The following SLC7A6OS variants were observed in gnomAD, a reference collection of about 807,000 sequenced individuals.
SLC7A6OS encodes the protein solute carrier family 7 member 6 opposite strand, also known as probable RNA polymerase II nuclear localization protein SLC7A6OS.
Under a neutral mutation model 34.3 loss-of-function variants are expected in SLC7A6OS, and 22 were observed. The ratio of observed to expected loss-of-function variants is 0.64; its 90% CI spans 0.46 to 0.92. The LOEUF (loss-of-function observed/expected upper bound fraction) is 0.92. Among genes scored for constraint, SLC7A6OS ranks in the 40% least tolerant of loss-of-function variants. The pLI, the probability that SLC7A6OS is intolerant of heterozygous loss-of-function variation, is 0.00. For missense variants in SLC7A6OS, 434 were observed against 407.7 expected, an observed-to-expected ratio of 1.06 and a Z score of -0.56; for synonymous variants, 199 against 165.0, an observed-to-expected ratio of 1.21 and a Z score of -1.58.
chr16:68,301,265 C>G lies in SLC7A6OS; in HGVS notation c.*10G>C, dbSNP rs1185506330. 1 of 1,613,874 alleles carries G rather than the reference C, an allele frequency of 6.2e-7. No individual in the cohort carries two copies. The highest frequency in any genetic ancestry group is 8.5e-7 in the Non-Finnish European group (1 of 1,179,822). On this transcript the variant is annotated 3_prime_UTR_variant, in exon 5 of 5. Coordinates refer to ENST00000263997, the MANE Select transcript of SLC7A6OS (RefSeq NM_032178.3). ...GCATGTGGCAGAACCTCATGGACAT[C>G]ACAAGACCATCAGTCTGAATCCAGG...
At position 68,310,534 on chromosome 16, in the gene SLC7A6OS, CGGAGA is replaced by C; in HGVS notation, c.267_271del (p.Asn89LysfsTer59). On this transcript the variant is annotated frameshift_variant, in exon 2 of 5. Transcript: ENST00000263997. LOFTEE classifies it high-confidence loss of function. ...CTGCCGGACCTCCCGAGCCGAGGCG[CGGAGA>C]TTACGGCGGACACGCTGCTGGCTGT... The C allele has an allele frequency of 6.3e-7, 1 of 1,582,616 alleles. No homozygotes were observed. The highest frequency in any genetic ancestry group is 8.6e-7 in the Non-Finnish European group (1 of 1,165,320).
chr16:68,310,216 G>T, intron 2 of SLC7A6OS, 119 bp downstream of exon 2: 1 of 1,137,350 alleles, frequency 8.8e-7, no homozygotes, highest in Non-Finnish European at 1.2e-6. Context: ...TGTAAAATGA[G>T]GCCGTCACGC....
intron 3 of SLC7A6OS, 108 bp from the exon 4 acceptor site, chr16:68,302,609 G>C: frequency 7.4e-7 from 1 of 1,344,310 alleles, no homozygotes; most frequent in Non-Finnish European, 1.0e-6. Context: ...AAAGTGCCCT[G>C]TGAAAAAACT....
Position 68,300,900 on chromosome 16 carries a change from C to T in SLC7A6OS, c.*375G>A, listed in dbSNP as rs538417133. The T allele has an allele frequency of 7.8e-5, 78 of 994,544 alleles. No individual in the cohort carries two copies. In the African/African-American group the frequency reaches 1.3e-3, roughly 16 times the overall value. The allele number at this position is 994,544 out of a possible 1,614,324, so 61.6% of individuals were successfully genotyped here. A position where few individuals can be genotyped will look rare whatever the true frequency, so the allele number is the denominator to read the frequency against. On this transcript the variant is annotated 3_prime_UTR_variant, in exon 5 of 5. Transcript: ENST00000263997. Reference sequence around the variant, plus strand: ...AGGCAGGCAGCCTGGTGGTATGGCACAGCAGAAGCTTACTGCTAATGAAAT... The same window carrying T: ...AGGCAGGCAGCCTGGTGGTATGGCATAGCAGAAGCTTACTGCTAATGAAAT...
At chr16:68,307,801 T>C (rs1019307563) in intron 2 of SLC7A6OS, among the ~76,000 whole-genome samples, 1 of 152,238 alleles carries the variant, frequency 6.6e-6, no homozygotes, top group African/African-American at 2.4e-5. Flanking sequence ...TGTGCAAACA[T>C]TTTTGGTATG....
In SLC7A6OS at chr16:68,309,537, G is replaced by A. The variant is rs566231964; in HGVS notation, c.471+798C>T. ...CAGCTACTGTGCCCAGCCTCAAGGA[G>A]AATTTTCCATTTCTGTAGTTTTGCT... On this transcript the variant is annotated intron_variant, in intron 2 of 4. Coordinates refer to ENST00000263997, the MANE Select transcript of SLC7A6OS (RefSeq NM_032178.3). Among the ~76,000 whole-genome samples the A allele has an allele frequency of 1.8e-3, 279 of 152,280 alleles. 1 individual carries two copies. Among genetic ancestry groups the A allele is most frequent in the Non-Finnish European group, 3.1e-3 (209 of 68,016 alleles).
rs2043261497 is a variant in SLC7A6OS, at chr16:68,300,992, G to GAAGCTA, written c.*277_*282dup. 2 of 1,059,514 alleles carry GAAGCTA rather than the reference G, an allele frequency of 1.9e-6. No individual in the cohort carries two copies. Among genetic ancestry groups the GAAGCTA allele is most frequent in the Admixed American group, 5.4e-5 (1 of 18,582 alleles). 65.6% of individuals were successfully genotyped at this position (1,059,514 alleles called of 1,614,324 possible). On this transcript the variant is annotated 3_prime_UTR_variant, in exon 5 of 5. Transcript: ENST00000263997. ...ATGCCAGGAAAAATTCCTGGGCCAAGAAGCTAAAGCTAAAGAAACCTTCCT... is the reference window on the plus strand; with the variant it reads ...ATGCCAGGAAAAATTCCTGGGCCAAGAAGCTAAAGCTAAAGCTAAAGAAACCTTCCT...
chr16:68,310,813 C>T lies in SLC7A6OS; in HGVS notation c.114G>A (p.Ala38=). The change falls in exon 1 of 5, where the codon GCG becomes GCA. Residue 38 remains alanine (A), a synonymous_variant. Transcript: ENST00000263997. ...KRLRSDAVES[A]AQKTSEGLER... is the part of the protein sequence containing the mutation. ...CCAAACCCTCCGACGTCTTCTGTGC[C>T]GCTGACTCGACCGCGTCGCTCCGGA... The T allele has an allele frequency of 6.2e-7, 1 of 1,613,826 alleles. No individual in the cohort carries two copies. The highest frequency in any genetic ancestry group is 8.5e-7 in the Non-Finnish European group (1 of 1,179,968).
Position 68,301,270 on chromosome 16 carries a change from G to A in SLC7A6OS, c.*5C>T. ...TGGCAGAACCTCATGGACATCACAA[G>A]ACCATCAGTCTGAATCCAGGTCGTG... is the stretch of plus-strand genomic sequence containing the variant. On this transcript the variant is annotated 3_prime_UTR_variant, in exon 5 of 5. Transcript: ENST00000263997. 1 of 1,613,826 alleles carries A rather than the reference G, an allele frequency of 6.2e-7. No individual in the cohort carries two copies.
At chr16:68,303,978 T>A in intron 3 of SLC7A6OS, 48 bp downstream of exon 3, 1 of 1,530,264 alleles carries the variant, frequency 6.5e-7, no homozygotes, top group Non-Finnish European at 9.0e-7. Context: ...CTGATTAGAT[T>A]AAGAGCTTAG....
intron 3 of SLC7A6OS, among the ~76,000 whole-genome samples, chr16:68,302,841 T>C (rs2043295306): frequency 6.6e-6 from 1 of 152,228 alleles, no homozygotes; most frequent in East Asian, 1.9e-4. Flanking sequence ...GGAAGGGCCA[T>C]GCAGTGGTCC....
chr16:68,302,616 A>C (rs2043292880), intron 3 of SLC7A6OS, 115 bp from the exon 4 acceptor site: 13 of 1,226,990 alleles, frequency 1.1e-5, no homozygotes, highest in Non-Finnish European at 1.5e-5. Context: ...CCTGTGAAAA[A>C]ACTGCAGACT....
chr16:68,299,408 G>T lies in SLC7A6OS; in HGVS notation c.*1867C>A, dbSNP rs573615088. On this transcript the variant is annotated 3_prime_UTR_variant, in exon 5 of 5. Coordinates refer to ENST00000263997, the MANE Select transcript of SLC7A6OS (RefSeq NM_032178.3). ...GTCATCCTCCTTTCATTTTTGGATG[G>T]TGACAGCATTTTTCCCCTCTGTGCT... 6.6e-6 allele frequency: 1 copy of T among 152,656 alleles called. No individual in the cohort carries two copies. Among genetic ancestry groups the T allele is most frequent in the South Asian group, 2.1e-4 (1 of 4,824 alleles). The allele number at this position is 152,656 out of a possible 1,614,324, so 9.5% of individuals were successfully genotyped here. A position where few individuals can be genotyped will look rare whatever the true frequency, so the allele number is the denominator to read the frequency against.
Position 68,301,146 on chromosome 16 carries a change from A to T in SLC7A6OS, c.*129T>A. 1.4e-6 allele frequency: 2 copies of T among 1,457,830 alleles called. No individual in the cohort carries two copies. Among genetic ancestry groups the T allele is most frequent in the Non-Finnish European group, 1.8e-6 (2 of 1,101,272 alleles). The allele number at this position is 1,457,830 out of a possible 1,614,324, so 90.3% of individuals were successfully genotyped here. A position where few individuals can be genotyped will look rare whatever the true frequency, so the allele number is the denominator to read the frequency against. On this transcript the variant is annotated 3_prime_UTR_variant, in exon 5 of 5. Coordinates refer to ENST00000263997, the MANE Select transcript of SLC7A6OS (RefSeq NM_032178.3). ...CACTGTGGTGGGATGGTGCCGCCCG[A>T]TATGCTTGATATGCTTTTCCTTCCA...
At chr16:68,307,935 CTT>C (rs1219918292) in intron 2 of SLC7A6OS, among the ~76,000 whole-genome samples, 2 of 152,094 alleles carry the variant, frequency 1.3e-5, no homozygotes, top group Non-Finnish European at 2.9e-5. Context: ...GAGTTTTGCT[CTT>C]CTCGCCCAGG....
chr16:68,300,527 T>C lies in SLC7A6OS; in HGVS notation c.*748A>G, dbSNP rs41363946. On this transcript the variant is annotated 3_prime_UTR_variant, in exon 5 of 5. Transcript: ENST00000263997. ...TTCCTCCCTTGCCTTAAGTCCTTGG[T>C]ATTTATAATCAATGCTGAACCTTCT... 5.3e-4 allele frequency: 424 copies of C among 792,898 alleles called. 2 individuals carry two copies. The African/African-American group carries it at 7.4e-3, about 14-fold the overall frequency. 49.1% of individuals were successfully genotyped at this position (792,898 alleles called of 1,614,324 possible).
chr16:68,306,900 C>CA (rs1437938288), intron 2 of SLC7A6OS, among the ~76,000 whole-genome samples: 10 of 152,018 alleles, frequency 6.6e-5, no homozygotes, highest in Non-Finnish European at 1.5e-4. Context: ...TGGAGGGCAG[C>CA]AGTATGATCA....
chr16:68,308,231 C>G (rs991816824), intron 2 of SLC7A6OS, among the ~76,000 whole-genome samples: 1 of 152,028 alleles, frequency 6.6e-6, no homozygotes, highest in African/African-American at 2.4e-5. Context: ...TTCAATTCCA[C>G]GGAGCATTGG....
chr16:68,302,180 C>T, intron 4 of SLC7A6OS: 1 of 597,002 alleles, frequency 1.7e-6, no homozygotes, highest in Non-Finnish European at 3.0e-6. Context: ...GATTTGAATC[C>T]AGGCCTGATG....
Sources: gnomAD v4.1 joint callset for allele counts (sites outside exome capture counted in the v4.1 genomes callset) on GRCh38, gnomAD v4.1.1 for gene constraint, MANE v1.5 for transcripts, NCBI Gene and HGNC (gene_info 2026-07-23, HGNC 2026-07-21) for gene names.